The following KANSL1L variants were observed in gnomAD, a reference collection of about 807,000 sequenced individuals.
KANSL1L encodes KAT8 regulatory NSL complex subunit 1 like, also known as KAT8 regulatory NSL complex subunit 1-like protein.
In KANSL1L, 25 loss-of-function variants were observed where a neutral mutation model predicts 108.6. That is an observed-to-expected ratio of 0.23 (90% CI 0.17 to 0.32). The LOEUF is 0.32. Ranked by LOEUF, KANSL1L falls within the 10% of genes least tolerant of loss-of-function variation. The pLI is 1.00. For missense variants in KANSL1L, 1,137 were observed against 1,125.7 expected (o/e 1.01, Z -0.14); for synonymous variants, 405 against 395.1 (o/e 1.03, Z -0.30).
intron 1 of KANSL1L, among the ~76,000 whole-genome samples, chr2:210,161,199 G>A (rs1002575411): frequency 3.3e-5 from 5 of 152,098 alleles, no homozygotes; most frequent in African/African-American, 1.2e-4. Flanking sequence ...TGTTGGCCAG[G>A]CTGGTCTTAA....
chr2:210,105,568 T>C lies in KANSL1L; in HGVS notation c.1231-1267A>G, dbSNP rs73984329. Reference sequence around the variant, plus strand: ...GGCCACCTACATCATGCATAAGTCTTATTTATAAGATGGAAATTGCCTATA... The same window carrying C: ...GGCCACCTACATCATGCATAAGTCTCATTTATAAGATGGAAATTGCCTATA... On this transcript the variant is annotated intron_variant, in intron 3 of 14. Coordinates refer to ENST00000281772, the MANE Select transcript of KANSL1L (RefSeq NM_152519.4). 9.4e-4 allele frequency among the ~76,000 whole-genome samples: 142 copies of C among 151,770 alleles called. 1 individual carries two copies. The highest frequency in any genetic ancestry group is 3.3e-3 in the African/African-American group (138 of 41,498).
At chr2:210,026,097 A>G (rs1354021962) in intron 12 of KANSL1L, among the ~76,000 whole-genome samples, 1 of 152,236 alleles carries the variant, frequency 6.6e-6, no homozygotes, top group East Asian at 1.9e-4. Context: ...AACCTGGAAT[A>G]CTACCTTAGT....
At chr2:210,078,375 A>G (rs2094557255) in intron 5 of KANSL1L, among the ~76,000 whole-genome samples, 1 of 152,192 alleles carries the variant, frequency 6.6e-6, no homozygotes, top group South Asian at 2.1e-4. Flanking sequence ...TTACCAGAGG[A>G]AAAAAAGTTC....
chr2:210,101,085 T>C (rs1334651447), intron 4 of KANSL1L, among the ~76,000 whole-genome samples: 1 of 152,214 alleles, frequency 6.6e-6, no homozygotes, highest in East Asian at 1.9e-4. Context: ...ATCTTTTACT[T>C]CTGCTCTCTT....
At chr2:210,036,460 G>A (rs2094104981) in intron 8 of KANSL1L, among the ~76,000 whole-genome samples, 1 of 152,074 alleles carries the variant, frequency 6.6e-6, no homozygotes, top group Non-Finnish European at 1.5e-5. Flanking sequence ...GGGATTACAA[G>A]CATGAGCCAC....
At chr2:210,145,643 G>T (rs2125608846) in intron 2 of KANSL1L, among the ~76,000 whole-genome samples, 1 of 152,320 alleles carries the variant, frequency 6.6e-6, no homozygotes, top group African/African-American at 2.4e-5. Flanking sequence ...GGCACACAGG[G>T]AATTACAAAG....
At chr2:210,151,082 A>G (rs776347027) in intron 2 of KANSL1L, among the ~76,000 whole-genome samples, 1 of 151,950 alleles carries the variant, frequency 6.6e-6, no homozygotes. Context: ...AGGGGGTGAT[A>G]CGGGCTCACT....
chr2:210,103,952 AT>A, intron 4 of KANSL1L, 151 bp downstream of exon 4: 1 of 567,514 alleles, frequency 1.8e-6, no homozygotes, highest in Non-Finnish European at 3.1e-6. Context: ...GACTGGTCAT[AT>A]GTCAAATATT....
At position 210,134,473 on chromosome 2, in the gene KANSL1L, G is replaced by A. The variant is rs182608801; in HGVS notation, c.1089-5301C>T. Among the ~76,000 whole-genome samples, 188 of 152,080 alleles carry A rather than the reference G, an allele frequency of 1.2e-3. 1 individual carries two copies. The highest frequency in any genetic ancestry group is 4.3e-3 in the African/African-American group (177 of 41,492). ...GTTTTATATAAATACATATTTTAAG[G>A]GTACTATGATTATGTTGTTAATGTG... On this transcript the variant is annotated intron_variant, in intron 2 of 14. Coordinates refer to ENST00000281772, the MANE Select transcript of KANSL1L (RefSeq NM_152519.4).
intron 3 of KANSL1L, among the ~76,000 whole-genome samples, chr2:210,107,364 A>G (rs573484428): frequency 9.8e-4 from 149 of 152,012 alleles, no homozygotes; most frequent in Middle Eastern, 3.4e-3. Flanking sequence ...AAAATATTTC[A>G]ATTTTTTTCT....
Position 210,154,032 on chromosome 2 carries a change from G to A in KANSL1L, c.551C>T (p.Thr184Ile), listed in dbSNP as rs1220092300. Residue 184 changes from threonine to isoleucine, a missense_variant, in exon 2 of 15, where the codon ACT becomes ATT. By Grantham distance (89) the Thr-to-Ile change is moderately conservative. Coordinates refer to ENST00000281772, the MANE Select transcript of KANSL1L (RefSeq NM_152519.4). ...TAAACCCTTTTTAATCTCAGCATCA[G>A]TAACTTTATCCAAAAGTGCATTCTC... ...YQENALLDKVTDAEIKKGLLH... is the reference protein window; with the variant it reads ...YQENALLDKVIDAEIKKGLLH... 1.9e-6 allele frequency: 3 copies of A among 1,613,782 alleles called. No homozygotes were observed. Among genetic ancestry groups the A allele is most frequent in the Non-Finnish European group, 2.5e-6 (3 of 1,179,930 alleles).
chr2:210,061,046 C>T (rs535047586), intron 6 of KANSL1L, among the ~76,000 whole-genome samples: 1 of 152,352 alleles, frequency 6.6e-6, no homozygotes, highest in South Asian at 2.1e-4. Flanking sequence ...CTACCTTCAA[C>T]CAACCATTTC....
At chr2:210,063,126 G>A (rs1160443465) in intron 6 of KANSL1L, among the ~76,000 whole-genome samples, 1 of 152,204 alleles carries the variant, frequency 6.6e-6, no homozygotes, top group Admixed American at 6.5e-5. Context: ...GGCTGAAAAG[G>A]GTCAATGTAG....
chr2:210,171,048 G>C (rs1021884995), intron 1 of KANSL1L, 101 bp downstream of exon 1: 1 of 152,416 alleles, frequency 6.6e-6, no homozygotes, highest in African/African-American at 2.4e-5. Flanking sequence ...CGCCTGACCC[G>C]CAAGTCCACC....
intron 6 of KANSL1L, among the ~76,000 whole-genome samples, chr2:210,063,312 T>C (rs1231656177): frequency 3.9e-5 from 6 of 152,318 alleles, no homozygotes; most frequent in South Asian, 2.1e-4. Flanking sequence ...AGAGTGCTCA[T>C]GGAGAACCTC....
At chr2:210,081,087 A>G (rs1206740935) in intron 5 of KANSL1L, among the ~76,000 whole-genome samples, 5 of 152,248 alleles carry the variant, frequency 3.3e-5, no homozygotes, top group Admixed American at 6.5e-5. Context: ...AGCCTGGGCA[A>G]CAGGGTAAGA....
chr2:210,153,961 G>A lies in KANSL1L; in HGVS notation c.622C>T (p.Pro208Ser). 1 of 1,613,430 alleles carries A rather than the reference G, an allele frequency of 6.2e-7. No individual in the cohort carries two copies. Among genetic ancestry groups the A allele is most frequent in the Non-Finnish European group, 8.5e-7 (1 of 1,179,964 alleles). Residue 208 changes from proline to serine, a missense_variant, in exon 2 of 15, where the codon CCT (proline) becomes TCT (serine). By Grantham distance (74) the Pro-to-Ser change is moderately conservative. Coordinates refer to ENST00000281772, the MANE Select transcript of KANSL1L (RefSeq NM_152519.4). ...KKIVPGHSNVPVSSSAAEKEE... is the reference protein window; with the variant it reads ...KKIVPGHSNVSVSSSAAEKEE... ...TTTTCAGCAGCTGAAGAACTAACAG[G>A]CACATTTGAGTGGCCAGGTACAATT...
At chr2:210,163,294 A>G (rs927809923) in intron 1 of KANSL1L, among the ~76,000 whole-genome samples, 4 of 152,242 alleles carry the variant, frequency 2.6e-5, no homozygotes, top group Non-Finnish European at 4.4e-5. Flanking sequence ...CAGGTAATGT[A>G]AGAAGAGAGA....
intron 6 of KANSL1L, among the ~76,000 whole-genome samples, chr2:210,073,567 A>G (rs2094522025): frequency 6.6e-6 from 1 of 151,990 alleles, no homozygotes; most frequent in Non-Finnish European, 1.5e-5. Context: ...CAGTTCCTCA[A>G]TTACATAAGC....
Sources: gnomAD v4.1 joint callset for allele counts (sites outside exome capture counted in the v4.1 genomes callset) on GRCh38, gnomAD v4.1.1 for gene constraint, MANE v1.5 for transcripts, NCBI Gene and HGNC (gene_info 2026-07-23, HGNC 2026-07-21) for gene names.